The following ME1 variants were observed in gnomAD, a reference collection of about 807,000 sequenced individuals.
The protein encoded by ME1 is NADP-dependent malic enzyme.
In ME1, 74 loss-of-function variants were observed where a neutral mutation model predicts 66.4. That is an observed-to-expected ratio of 1.11 (90% CI 0.92 to 1.35). ME1 has a LOEUF of 1.35. Among genes scored for constraint, ME1 ranks in the 40% most tolerant of loss-of-function variants. The probability of loss-of-function intolerance (pLI) is 0.00; values close to 1 mark genes in which losing one functional copy is unlikely to be tolerated. For synonymous variants in ME1, 251 were observed against 235.6 expected (o/e 1.07, Z -0.60); for missense variants, 750 against 694.1 (o/e 1.08, Z -0.90).
chr6:83,408,369 A>C (rs1350271151), intron 1 of ME1, among the ~76,000 whole-genome samples: 1 of 152,166 alleles, frequency 6.6e-6, no homozygotes, highest in Non-Finnish European at 1.5e-5. Context: ...TCCTCTCCCA[A>C]GTTGTAGCCT....
chr6:83,275,690 C>T (rs1224683751), intron 6 of ME1, among the ~76,000 whole-genome samples: 3 of 146,880 alleles, frequency 2.0e-5, no homozygotes, highest in African/African-American at 7.6e-5. Context: ...TGGTCTCGAT[C>T]TCCTGACCTC....
At chr6:83,266,135 A>C (rs1237916537) in intron 6 of ME1, among the ~76,000 whole-genome samples, 1 of 152,230 alleles carries the variant, frequency 6.6e-6, no homozygotes, top group African/African-American at 2.4e-5. Flanking sequence ...TACTACTTAG[A>C]AAAAGATAAC....
At chr6:83,235,242 T>A (rs1790377616) in intron 9 of ME1, among the ~76,000 whole-genome samples, 1 of 152,126 alleles carries the variant, frequency 6.6e-6, no homozygotes, top group Non-Finnish European at 1.5e-5. Flanking sequence ...ACATATTTTT[T>A]ATAATACTTT....
intron 6 of ME1, among the ~76,000 whole-genome samples, chr6:83,299,894 G>A (rs996537441): frequency 6.6e-6 from 1 of 152,120 alleles, no homozygotes; most frequent in African/African-American, 2.4e-5. Context: ...TTTATGTGAT[G>A]GATTTCATTA....
chr6:83,316,698 A>G (rs557521830), intron 5 of ME1, among the ~76,000 whole-genome samples: 1 of 152,274 alleles, frequency 6.6e-6, no homozygotes, highest in Admixed American at 6.5e-5. Context: ...AAATCCCAGT[A>G]GAAAAAAATA....
chr6:83,401,459 C>G (rs981511979), intron 2 of ME1, among the ~76,000 whole-genome samples: 6 of 152,106 alleles, frequency 3.9e-5, no homozygotes, highest in African/African-American at 1.4e-4. Flanking sequence ...GAGGAACAGT[C>G]TGTAGCAAAT....
intron 6 of ME1, among the ~76,000 whole-genome samples, chr6:83,293,694 G>A (rs1308289094): frequency 3.3e-5 from 5 of 152,268 alleles, no homozygotes; most frequent in East Asian, 3.9e-4. Flanking sequence ...TGAAGTAAGC[G>A]AAAGGAGCTG....
rs57993135 is a variant in ME1 at position 83,398,614 on chromosome 6, T to C, written c.213-98A>G. 7.6e-4 allele frequency: 472 copies of C among 619,198 alleles called. 4 individuals are homozygous for C. The African/African-American group carries it at 8.1e-3, about 11-fold the overall frequency. The allele number at this position is 619,198 out of a possible 1,614,324, so 38.4% of individuals were successfully genotyped here. On this transcript the variant is annotated intron_variant, in intron 2 of 13. Transcript: ENST00000369705. Reference sequence around the variant, plus strand: ...TATTTTCAACCAAGTATAAAGTACATTTAGGTTACATAGAAAACATCTGAT... The same window carrying C: ...TATTTTCAACCAAGTATAAAGTACACTTAGGTTACATAGAAAACATCTGAT...
intron 8 of ME1, among the ~76,000 whole-genome samples, chr6:83,238,313 A>T (rs1790451266): frequency 6.6e-6 from 1 of 152,164 alleles, no homozygotes; most frequent in African/African-American, 2.4e-5. Context: ...AAGTGCTGTG[A>T]AATTTATTGC....
intron 6 of ME1, among the ~76,000 whole-genome samples, chr6:83,284,291 C>T (rs948096832): frequency 1.3e-5 from 2 of 152,052 alleles, no homozygotes; most frequent in Admixed American, 1.3e-4. Flanking sequence ...AATGGATTCA[C>T]AGTCAAATTC....
intron 3 of ME1, among the ~76,000 whole-genome samples, chr6:83,375,495 T>A (rs539743652): frequency 6.6e-6 from 1 of 152,184 alleles, no homozygotes; most frequent in Non-Finnish European, 1.5e-5. Context: ...ACTTTTGGGC[T>A]GAGACCTTGG....
intron 7 of ME1, among the ~76,000 whole-genome samples, chr6:83,252,276 TTGC>T (rs1790738099): frequency 6.9e-6 from 1 of 144,376 alleles, no homozygotes; most frequent in African/African-American, 2.6e-5. Context: ...GTTGTTGTTG[TTGC>T]TGTTGTTGTT....
chr6:83,261,142 T>A (rs1393615706), intron 6 of ME1, among the ~76,000 whole-genome samples: 1 of 152,196 alleles, frequency 6.6e-6, no homozygotes, highest in Admixed American at 6.5e-5. Context: ...GACTTTTTAA[T>A]AATAGCCATT....
chr6:83,371,011 T>C (rs1239246797), intron 3 of ME1, among the ~76,000 whole-genome samples: 3 of 152,150 alleles, frequency 2.0e-5, no homozygotes, highest in African/African-American at 7.2e-5. Context: ...CCATTAAGAT[T>C]TGCCCCAATG....
Position 83,327,095 on chromosome 6 carries a change from A to G in ME1, c.601-11682T>C, listed in dbSNP as rs149764885. Among the ~76,000 whole-genome samples the G allele has an allele frequency of 1.2e-4, 18 of 152,312 alleles. 1 individual carries two copies. Among genetic ancestry groups the G allele is most frequent in the African/African-American group, 2.4e-4 (10 of 41,580 alleles). Reference sequence around the variant, plus strand: ...TTCATGGACACTTATCACTTCCCCAATCAATACCCTTGTGATTTCCTATGC... The same window carrying G: ...TTCATGGACACTTATCACTTCCCCAGTCAATACCCTTGTGATTTCCTATGC... On this transcript the variant is annotated intron_variant, in intron 5 of 13. Coordinates refer to ENST00000369705, the MANE Select transcript of ME1 (RefSeq NM_002395.6).
chr6:83,325,417 G>T (rs1461714365), intron 5 of ME1, among the ~76,000 whole-genome samples: 4 of 152,140 alleles, frequency 2.6e-5, no homozygotes, highest in South Asian at 2.1e-4. Flanking sequence ...AAAAGAAGAA[G>T]TCAAATTGTC....
chr6:83,412,190 T>C (rs1438100994), intron 1 of ME1, among the ~76,000 whole-genome samples: 1 of 152,148 alleles, frequency 6.6e-6, no homozygotes. Flanking sequence ...ATATTTCCAA[T>C]GAATGACTTT....
rs1325881017 is a variant in ME1, at chr6:83,230,126, C to G, written c.1027-1195G>C. On this transcript the variant is annotated intron_variant, in intron 9 of 13. Coordinates refer to ENST00000369705, the MANE Select transcript of ME1 (RefSeq NM_002395.6). ...TAGGCGTGAGCCACCATGCCAGGCT[C>G]TGTTTTTTTTTGTTGTTGTTGTTGT... 5.5e-5 allele frequency among the ~76,000 whole-genome samples: 8 copies of G among 145,116 alleles called. No homozygotes were observed. In the East Asian group the frequency reaches 1.7e-3, roughly 31 times the overall value.
At chr6:83,428,081 A>G (rs1373020200) in intron 1 of ME1, among the ~76,000 whole-genome samples, 2 of 152,144 alleles carry the variant, frequency 1.3e-5, no homozygotes, top group Non-Finnish European at 2.9e-5. Context: ...CTGAATACAT[A>G]AAAACAGAGG....
Sources: gnomAD v4.1 joint callset for allele counts (sites outside exome capture counted in the v4.1 genomes callset) on GRCh38, gnomAD v4.1.1 for gene constraint, MANE v1.5 for transcripts, NCBI Gene and HGNC (gene_info 2026-07-23, HGNC 2026-07-21) for gene names.